CRPPA: variants seen among roughly 807,000 people sequenced by gnomAD.
CRPPA encodes D-ribitol-5-phosphate cytidylyltransferase.
In CRPPA, 43 loss-of-function variants were observed where a neutral mutation model predicts 52.0. The ratio of observed to expected loss-of-function variants is 0.83; its 90% confidence interval spans 0.65 to 1.07. The LOEUF (loss-of-function observed/expected upper bound fraction) is 1.07, where lower values mean the gene tolerates loss of function less well. Ranked by LOEUF, CRPPA falls within the 50% of genes least tolerant of loss-of-function variation. The pLI, the probability that CRPPA is intolerant of heterozygous loss-of-function variation, is 0.00. For missense variants in CRPPA, 629 were observed against 551.7 expected, an observed-to-expected ratio of 1.14 and a Z score of -1.40; for synonymous variants, 250 against 203.5, an observed-to-expected ratio of 1.23 and a Z score of -1.94.
chr7:16,113,146 C>T (rs971532931), intron 9 of CRPPA, among the ~76,000 whole-genome samples: 2 of 151,660 alleles, frequency 1.3e-5, no homozygotes, highest in African/African-American at 4.8e-5. Context: ...ACCTGAAATA[C>T]AAAAGACAGA....
intron 9 of CRPPA, among the ~76,000 whole-genome samples, chr7:16,095,433 C>A (rs984526047): frequency 3.9e-5 from 6 of 152,098 alleles, no homozygotes; most frequent in Non-Finnish European, 8.8e-5. Flanking sequence ...ACATGTAAAG[C>A]ACTGATACCT....
chr7:16,408,908 A>C (rs970162343), intron 1 of CRPPA, among the ~76,000 whole-genome samples: 6 of 152,012 alleles, frequency 3.9e-5, no homozygotes, highest in Non-Finnish European at 8.8e-5. Flanking sequence ...GGCCTCTACA[A>C]TTTTATTTTT....
chr7:16,273,545 A>G (rs945145157), intron 6 of CRPPA, among the ~76,000 whole-genome samples: 1 of 151,864 alleles, frequency 6.6e-6, no homozygotes, highest in African/African-American at 2.4e-5. Context: ...TTTCCACTCC[A>G]TCCCCTTTCC....
At chr7:16,297,610 C>T (rs1201720021) in intron 5 of CRPPA, among the ~76,000 whole-genome samples, 2 of 152,190 alleles carry the variant, frequency 1.3e-5, no homozygotes, top group Non-Finnish European at 2.9e-5. Flanking sequence ...TACAGTGTTG[C>T]AGGCAATGCT....
chr7:16,329,504 T>C (rs1177037389), intron 3 of CRPPA, among the ~76,000 whole-genome samples: 1 of 152,204 alleles, frequency 6.6e-6, no homozygotes, highest in Non-Finnish European at 1.5e-5. Context: ...GGCCTTTGAT[T>C]ATCCAAAGAG....
At chr7:16,241,975 G>GT in intron 8 of CRPPA, among the ~76,000 whole-genome samples, 1 of 77,766 alleles carries the variant, frequency 1.3e-5, no homozygotes, top group Admixed American at 1.8e-4. Flanking sequence ...TTTTGTTGGG[G>GT]GGAGATAGAG....
At chr7:16,119,171 A>G (rs1782434770) in intron 9 of CRPPA, among the ~76,000 whole-genome samples, 1 of 152,160 alleles carries the variant, frequency 6.6e-6, no homozygotes, top group African/African-American at 2.4e-5. Flanking sequence ...ACTGCTTGAT[A>G]AGACTCAAAA....
chr7:16,193,787 C>T (rs1293255350), intron 9 of CRPPA, among the ~76,000 whole-genome samples: 2 of 151,982 alleles, frequency 1.3e-5, no homozygotes, highest in African/African-American at 2.4e-5. Flanking sequence ...GACAAAAATA[C>T]CTCAAGGCAC....
intron 9 of CRPPA, among the ~76,000 whole-genome samples, chr7:16,198,847 C>G (rs1781791699): frequency 6.6e-6 from 1 of 151,862 alleles, no homozygotes; most frequent in Admixed American, 6.6e-5. Flanking sequence ...TTGGTAAATT[C>G]TTTCATCTGA....
chr7:16,204,854 T>G (rs1334941475), intron 9 of CRPPA, among the ~76,000 whole-genome samples: 6 of 152,218 alleles, frequency 3.9e-5, no homozygotes, highest in Non-Finnish European at 7.3e-5. Context: ...TCTGTGACTT[T>G]CCTAAGATTT....
intron 8 of CRPPA, among the ~76,000 whole-genome samples, chr7:16,220,637 T>G (rs1485163270): frequency 7.2e-6 from 1 of 139,538 alleles, no homozygotes; most frequent in African/African-American, 2.7e-5. Context: ...ACAAGCATTC[T>G]TATACACCAA....
At chr7:16,263,407 T>A (rs1783865256) in intron 6 of CRPPA, among the ~76,000 whole-genome samples, 1 of 152,334 alleles carries the variant, frequency 6.6e-6, no homozygotes, top group South Asian at 2.1e-4. Context: ...TCTTCAAAGC[T>A]ATTATGTATT....
At chr7:16,253,784 A>T (rs556589674) in intron 8 of CRPPA, among the ~76,000 whole-genome samples, 2 of 152,208 alleles carry the variant, frequency 1.3e-5, no homozygotes, top group Non-Finnish European at 2.9e-5. Flanking sequence ...AGAAACTACC[A>T]TCAGAGTGAA....
chr7:16,242,052 C>T (rs528943074), intron 8 of CRPPA, among the ~76,000 whole-genome samples: 84 of 141,360 alleles, frequency 5.9e-4, no homozygotes, highest in Admixed American at 1.6e-3. Context: ...CGGGTTCCAG[C>T]GATTCTTCTG....
intron 3 of CRPPA, among the ~76,000 whole-genome samples, chr7:16,347,114 A>C (rs1786032518): frequency 1.3e-5 from 2 of 152,116 alleles, no homozygotes; most frequent in South Asian, 4.1e-4. Context: ...TAGCTCATCC[A>C]AACTTTCCAC....
intron 2 of CRPPA, among the ~76,000 whole-genome samples, chr7:16,400,577 GAC>G (rs1258882104): frequency 6.6e-6 from 1 of 152,176 alleles, no homozygotes; most frequent in Non-Finnish European, 1.5e-5. Flanking sequence ...ACACATTTGT[GAC>G]ACACAATTGA....
At chr7:16,380,755 T>C (rs1237502321) in intron 2 of CRPPA, among the ~76,000 whole-genome samples, 3 of 152,252 alleles carry the variant, frequency 2.0e-5, no homozygotes, top group Admixed American at 6.5e-5. Context: ...CCATTTCTTC[T>C]AGATTTTCTA....
chr7:16,400,252 A>C (rs1170199969), intron 2 of CRPPA, among the ~76,000 whole-genome samples: 1 of 152,222 alleles, frequency 6.6e-6, no homozygotes, highest in Admixed American at 6.5e-5. Context: ...CACATGATCA[A>C]CACGTGATTG....
chr7:16,092,813 C>T (rs1281693486), intron 9 of CRPPA, among the ~76,000 whole-genome samples: 3 of 152,180 alleles, frequency 2.0e-5, no homozygotes, highest in African/African-American at 4.8e-5. Flanking sequence ...CTCTTATCCT[C>T]TCGGCCTCTT....
Sources: gnomAD v4.1 joint callset for allele counts (sites outside exome capture counted in the v4.1 genomes callset) on GRCh38, gnomAD v4.1.1 for gene constraint, MANE v1.5 for transcripts, NCBI Gene and HGNC (gene_info 2026-07-23, HGNC 2026-07-21) for gene names.